The following GRID2 variants were observed in gnomAD, a reference collection of about 807,000 sequenced individuals.
The protein encoded by GRID2 is glutamate ionotropic receptor delta type subunit 2.
In GRID2, 33 loss-of-function variants were observed where a neutral mutation model predicts 114.8. The ratio of observed to expected loss-of-function variants is 0.29; its 90% CI spans 0.22 to 0.38. GRID2 has a LOEUF of 0.38. Ranked by LOEUF, GRID2 falls within the 10% of genes least tolerant of loss-of-function variation. The pLI is 1.00. For missense variants in GRID2, 1,184 were observed against 1,257.7 expected, an observed-to-expected ratio of 0.94 and a Z score of 0.89; for synonymous variants, 505 against 449.9, an observed-to-expected ratio of 1.12 and a Z score of -1.55.
chr4:92,345,297 T>C (rs956161054), intron 1 of GRID2, among the ~76,000 whole-genome samples: 1 of 152,276 alleles, frequency 6.6e-6, no homozygotes, highest in African/African-American at 2.4e-5. Context: ...TTTCATTCCA[T>C]TTATGGCTGA....
At chr4:92,906,802 C>T (rs1228992032) in intron 2 of GRID2, among the ~76,000 whole-genome samples, 1 of 151,900 alleles carries the variant, frequency 6.6e-6, no homozygotes, top group Non-Finnish European at 1.5e-5. Flanking sequence ...AGCCTTTTCC[C>T]CTAGAACAAA....
In GRID2 at chr4:93,238,360, C is replaced by T. The variant is rs747002228; in HGVS notation, c.1126-11C>T. ...CTCAAATTTTACATCAGTATCTGTT[C>T]TCTCCTTTAGGGTGGAGTTAGTGGG... On this transcript the variant is annotated splice_polypyrimidine_tract_variant and intron_variant, in intron 7 of 15. Transcript: ENST00000282020. 3.1e-6 allele frequency: 5 copies of T among 1,589,930 alleles called. No homozygotes were observed. The highest frequency in any genetic ancestry group is 4.3e-6 in the Non-Finnish European group (5 of 1,162,176).
intron 8 of GRID2, among the ~76,000 whole-genome samples, chr4:93,292,929 C>A (rs1466346532): frequency 6.6e-6 from 1 of 152,110 alleles, no homozygotes; most frequent in African/African-American, 2.4e-5. Context: ...TTTTTAACAG[C>A]CCCGGAGATG....
At chr4:93,138,935 C>A (rs528648509) in intron 4 of GRID2, among the ~76,000 whole-genome samples, 1 of 152,304 alleles carries the variant, frequency 6.6e-6, no homozygotes, top group East Asian at 1.9e-4. Context: ...GAGTGGCATA[C>A]AAGTCCTTTC....
At chr4:93,349,812 A>C (rs2149259005) in intron 8 of GRID2, among the ~76,000 whole-genome samples, 1 of 152,260 alleles carries the variant, frequency 6.6e-6, no homozygotes, top group East Asian at 1.9e-4. Context: ...ATGGAACAAT[A>C]ACAATAAAAA....
rs749647793 is a variant in GRID2 at position 93,359,023 on chromosome 4, T to C, written c.1246-36584T>C. 2.1e-4 allele frequency among the ~76,000 whole-genome samples: 32 copies of C among 152,206 alleles called. 1 individual carries two copies. The highest frequency in any genetic ancestry group is 6.8e-3 in the Middle Eastern group (2 of 294). ...TGAGTCTATGGTTGATGGGATGTTC[T>C]GCTGAACTGGATCAGGTTTGACTCA... On this transcript the variant is annotated intron_variant, in intron 8 of 15. Coordinates refer to ENST00000282020, the MANE Select transcript of GRID2 (RefSeq NM_001510.4).
intron 13 of GRID2, among the ~76,000 whole-genome samples, chr4:93,535,176 G>A (rs1271725084): frequency 6.6e-6 from 1 of 150,676 alleles, no homozygotes; most frequent in Non-Finnish European, 1.5e-5. Context: ...CAAATGGTGG[G>A]ATTTTCTTCT....
At chr4:93,127,238 T>G (rs896372159) in intron 4 of GRID2, among the ~76,000 whole-genome samples, 17 of 152,104 alleles carry the variant, frequency 1.1e-4, no homozygotes, top group African/African-American at 3.9e-4. Flanking sequence ...TGAAATGCAT[T>G]TTTTTTGGAG....
chr4:92,358,228 A>G (rs536150097), intron 1 of GRID2, among the ~76,000 whole-genome samples: 1 of 152,094 alleles, frequency 6.6e-6, no homozygotes, highest in South Asian at 2.1e-4. Flanking sequence ...AAGCACTGAG[A>G]GCGGTAATGA....
chr4:93,578,751 G>A (rs975785519), intron 13 of GRID2, among the ~76,000 whole-genome samples: 3 of 151,658 alleles, frequency 2.0e-5, no homozygotes, highest in Non-Finnish European at 2.9e-5. Context: ...CCGCCACCAC[G>A]CCCAGCTAAT....
intron 1 of GRID2, among the ~76,000 whole-genome samples, chr4:92,482,796 A>C (rs1200348288): frequency 6.6e-6 from 1 of 152,234 alleles, no homozygotes; most frequent in Non-Finnish European, 1.5e-5. Context: ...TTAATTCTTC[A>C]AACTCAGTAT....
chr4:93,770,117 A>C (rs1237752447), intron 15 of GRID2, among the ~76,000 whole-genome samples: 1 of 152,232 alleles, frequency 6.6e-6, no homozygotes, highest in Non-Finnish European at 1.5e-5. Context: ...TAGTGGCCTG[A>C]GCATTGTTTT....
intron 2 of GRID2, among the ~76,000 whole-genome samples, chr4:92,873,772 T>A (rs555342452): frequency 6.6e-6 from 1 of 152,262 alleles, no homozygotes; most frequent in African/African-American, 2.4e-5. Context: ...TGGAGTGCAA[T>A]GGCATGATCT....
chr4:93,018,037 A>G (rs1578763361), intron 2 of GRID2, among the ~76,000 whole-genome samples: 1 of 151,864 alleles, frequency 6.6e-6, no homozygotes, highest in East Asian at 1.9e-4. Context: ...GAAAACACAA[A>G]CTGATTTTTA....
chr4:93,469,832 A>G (rs1724634673), intron 11 of GRID2, among the ~76,000 whole-genome samples: 1 of 152,150 alleles, frequency 6.6e-6, no homozygotes, highest in African/African-American at 2.4e-5. Context: ...CTGTTGACAC[A>G]GGAAATAGTG....
intron 1 of GRID2, among the ~76,000 whole-genome samples, chr4:92,583,668 T>C (rs368423790): frequency 8.0e-4 from 108 of 134,910 alleles, no homozygotes; most frequent in African/African-American, 2.7e-3. Context: ...TATATATATA[T>C]ATACACACAC....
intron 9 of GRID2, among the ~76,000 whole-genome samples, chr4:93,421,437 A>G (rs1768277557): frequency 1.3e-5 from 2 of 152,204 alleles, no homozygotes; most frequent in Non-Finnish European, 2.9e-5. Flanking sequence ...GATAACATAT[A>G]AACAGTGAAA....
intron 2 of GRID2, among the ~76,000 whole-genome samples, chr4:93,011,172 A>C (rs866347131): frequency 4.7e-5 from 7 of 149,780 alleles, no homozygotes; most frequent in Admixed American, 6.6e-5. Context: ...GTTTTTTTTA[A>C]TTACTTTTGG....
At position 93,273,214 on chromosome 4, in the gene GRID2, T is replaced by C. The variant is rs961775123; in HGVS notation, c.1245+34724T>C. 2.0e-5 allele frequency among the ~76,000 whole-genome samples: 3 copies of C among 152,242 alleles called. No homozygotes were observed. In the East Asian group the frequency reaches 5.8e-4, roughly 29 times the overall value. ...ATTTCTATTTATGGAATGCCTAGTC[T>C]ACAATTTGACACAAAGTAGTTAATA... On this transcript the variant is annotated intron_variant, in intron 8 of 15. Transcript: ENST00000282020.
Sources: allele counts gnomAD v4.1 joint callset (sites outside exome capture counted in the v4.1 genomes callset), GRCh38; gene constraint gnomAD v4.1.1; transcripts MANE v1.5; gene names NCBI Gene and HGNC (gene_info 2026-07-23, HGNC 2026-07-21).